Variants in SAMD4A observed in about 807,000 individuals in gnomAD.
SAMD4A encodes the protein protein Smaug homolog 1.
In SAMD4A, 33 loss-of-function variants were observed where a neutral mutation model predicts 81.3. The ratio of observed to expected loss-of-function variants is 0.41; its 90% CI spans 0.31 to 0.54. The LOEUF is 0.54. Among genes scored for constraint, SAMD4A ranks in the 20% least tolerant of loss-of-function variants. The pLI is 0.37. For missense variants in SAMD4A, 854 were observed against 951.1 expected (o/e 0.90, Z 1.34); for synonymous variants, 389 against 382.1 (o/e 1.02, Z -0.21).
chr14:54,726,762 G>A (rs141015089), intron 3 of SAMD4A, among the ~76,000 whole-genome samples: 7 of 152,180 alleles, frequency 4.6e-5, no homozygotes, highest in East Asian at 1.9e-4. Flanking sequence ...CCTGGGCATC[G>A]GGGTTTTTTT....
chr14:54,732,009 G>C (rs541337371), intron 3 of SAMD4A, among the ~76,000 whole-genome samples: 1 of 152,256 alleles, frequency 6.6e-6, no homozygotes, highest in African/African-American at 2.4e-5. Context: ...GGAGATAGTT[G>C]AACAATTGAA....
At chr14:54,688,996 A>C (rs1020253801) in intron 2 of SAMD4A, among the ~76,000 whole-genome samples, 1 of 147,806 alleles carries the variant, frequency 6.8e-6, no homozygotes. Flanking sequence ...CAATGGCACA[A>C]TCTTGGCTCA....
rs185151022 is a variant in SAMD4A at position 54,789,536 on chromosome 14, A to G, written c.*592A>G. The G allele has an allele frequency of 1.3e-5, 2 of 153,626 alleles. No individual in the cohort carries two copies. Among genetic ancestry groups the G allele is most frequent in the Admixed American group, 6.4e-5 (1 of 15,556 alleles). 9.5% of individuals were successfully genotyped at this position (153,626 alleles called of 1,614,324 possible). On this transcript the variant is annotated 3_prime_UTR_variant, in exon 13 of 13. Transcript: ENST00000554335. ...AATTCCCTGCAACAAAACTTCAGCT[A>G]AACTTTGATTTGTGTATTGTTTACA...
chr14:54,632,286 A>G (rs1455173109), intron 2 of SAMD4A, among the ~76,000 whole-genome samples: 2 of 152,194 alleles, frequency 1.3e-5, no homozygotes, highest in Admixed American at 6.5e-5. Context: ...GGAAATCTCA[A>G]TCTGGTAATC....
intron 2 of SAMD4A, among the ~76,000 whole-genome samples, chr14:54,579,870 G>A (rs2033415733): frequency 6.6e-6 from 1 of 152,190 alleles, no homozygotes; most frequent in South Asian, 2.1e-4. Flanking sequence ...GTGATGTGCT[G>A]GGTCAGGATC....
intron 6 of SAMD4A, 95 bp from the exon 7 acceptor site, chr14:54,760,066 A>G: frequency 1.5e-6 from 2 of 1,300,770 alleles, no homozygotes; most frequent in South Asian, 2.7e-5. Flanking sequence ...GCAGCCACGA[A>G]TCCTGTAAGA....
At chr14:54,763,839 C>G (rs1038881665) in intron 7 of SAMD4A, among the ~76,000 whole-genome samples, 3 of 152,202 alleles carry the variant, frequency 2.0e-5, no homozygotes, top group Admixed American at 1.3e-4. Flanking sequence ...CAGACTAACT[C>G]TGTTCCATCC....
In SAMD4A at chr14:54,775,024, C is replaced by T. The variant is rs1043094335; in HGVS notation, c.1806C>T (p.Pro602=). The T allele has an allele frequency of 3.1e-6, 5 of 1,614,128 alleles. No individual in the cohort carries two copies. Among genetic ancestry groups the T allele is most frequent in the African/African-American group, 1.3e-5 (1 of 74,942 alleles). ...GRRNPRQYQI[P]SRNVPSARLG... is the part of the protein sequence containing the mutation. ...GGAACCCGCGCCAGTACCAGATCCC[C>T]TCTCGGAACGTCCCTTCCGCCCGCC... Residue 602 remains proline, a synonymous_variant, in exon 10 of 13, where the codon CCC becomes CCT. Coordinates refer to ENST00000554335, the MANE Select transcript of SAMD4A (RefSeq NM_015589.6).
Position 54,613,156 on chromosome 14 carries a change from GGAA to G in SAMD4A, c.196+45047_196+45049del, listed in dbSNP as rs1436703473. On this transcript the variant is annotated intron_variant, in intron 2 of 12. Transcript: ENST00000554335. ...AGAGAGAAAGGAAGGAAGGAAGGAAGGAAGAGGGAAAGGGAAAAGGAAGGAAGA... is the reference window on the plus strand; with the variant it reads ...AGAGAGAAAGGAAGGAAGGAAGGAAGGAGGGAAAGGGAAAAGGAAGGAAGA... Among the ~76,000 whole-genome samples the G allele has an allele frequency of 5.3e-5, 8 of 149,978 alleles. No homozygotes were observed. In the East Asian group the frequency reaches 1.6e-3, roughly 29 times the overall value.
In SAMD4A at chr14:54,789,315, G is replaced by T; in HGVS notation, c.*371G>T. ...GGAGACACATAAGAGGACAGCAGAA[G>T]CCCTGGCCCTGGGGAGGCTTCTCGG... On this transcript the variant is annotated 3_prime_UTR_variant, in exon 13 of 13. Transcript: ENST00000554335. The T allele has an allele frequency of 3.9e-6, 1 of 255,118 alleles. No individual in the cohort carries two copies. The allele number at this position is 255,118 out of a possible 1,614,324, so 15.8% of individuals were successfully genotyped here.
rs543691733 is a variant in SAMD4A at position 54,790,790 on chromosome 14, C to T, written c.*1846C>T. The T allele has an allele frequency of 7.3e-5, 11 of 151,354 alleles. No individual in the cohort carries two copies. The highest frequency in any genetic ancestry group is 7.2e-4 in the Admixed American group (11 of 15,174). The allele number at this position is 151,354 out of a possible 1,614,324, so 9.4% of individuals were successfully genotyped here. A position where few individuals can be genotyped will look rare whatever the true frequency, so the allele number is the denominator to read the frequency against. On this transcript the variant is annotated 3_prime_UTR_variant, in exon 13 of 13. Transcript: ENST00000554335. ...TAAAAGCTAATGAACTACATACAGA[C>T]CTAAAAGGCCTTAATGAAATCCGAA...
intron 4 of SAMD4A, among the ~76,000 whole-genome samples, chr14:54,746,451 C>T (rs1266814468): frequency 6.6e-6 from 1 of 152,204 alleles, no homozygotes; most frequent in Non-Finnish European, 1.5e-5. Context: ...TTTAGGAAAA[C>T]TACTCCCAGT....
intron 2 of SAMD4A, among the ~76,000 whole-genome samples, chr14:54,660,375 A>G (rs1037679096): frequency 2.6e-5 from 4 of 152,232 alleles, no homozygotes; most frequent in African/African-American, 9.6e-5. Flanking sequence ...TTGTCACTCA[A>G]CCATCCGCTT....
intron 8 of SAMD4A, among the ~76,000 whole-genome samples, chr14:54,767,349 G>A (rs1051592955): frequency 6.6e-6 from 1 of 152,098 alleles, no homozygotes. Flanking sequence ...AGTGGGCCAG[G>A]ACACCTCCCT....
intron 2 of SAMD4A, among the ~76,000 whole-genome samples, chr14:54,634,680 C>T (rs1266638612): frequency 6.6e-6 from 1 of 152,102 alleles, no homozygotes; most frequent in Non-Finnish European, 1.5e-5. Context: ...CAGTACCGGT[C>T]TGTGTCCCAG....
chr14:54,768,810 T>C (rs924377972), intron 8 of SAMD4A, among the ~76,000 whole-genome samples: 1 of 152,196 alleles, frequency 6.6e-6, no homozygotes, highest in Admixed American at 6.5e-5. Context: ...AAGTCCTCAA[T>C]GACGTTTCTG....
chr14:54,756,704 CAT>C (rs1166741032), intron 6 of SAMD4A, among the ~76,000 whole-genome samples: 1 of 152,228 alleles, frequency 6.6e-6, no homozygotes, highest in Non-Finnish European at 1.5e-5. Flanking sequence ...AGAGATATCA[CAT>C]GAGTGCTGAG....
chr14:54,629,507 TG>T (rs1337513972), intron 2 of SAMD4A, among the ~76,000 whole-genome samples: 1 of 152,242 alleles, frequency 6.6e-6, no homozygotes, highest in Non-Finnish European at 1.5e-5. Context: ...CCCATCTTAT[TG>T]GTAACTGCTA....
intron 2 of SAMD4A, among the ~76,000 whole-genome samples, chr14:54,642,357 A>T (rs900115455): frequency 7.2e-5 from 11 of 152,322 alleles, no homozygotes; most frequent in African/African-American, 2.6e-4. Flanking sequence ...GTTACAGTGT[A>T]TACTCTGGGA....
Sources: gnomAD v4.1 joint callset for allele counts (sites outside exome capture counted in the v4.1 genomes callset) on GRCh38, gnomAD v4.1.1 for gene constraint, MANE v1.5 for transcripts, NCBI Gene and HGNC (gene_info 2026-07-23, HGNC 2026-07-21) for gene names.